RBM19: variants seen among roughly 807,000 people sequenced by gnomAD.
The protein encoded by RBM19 is RNA binding motif protein 19, also known as probable RNA-binding protein 19.
In RBM19, 94 loss-of-function variants were observed where a neutral mutation model predicts 116.8. The ratio of observed to expected loss-of-function variants is 0.80; its 90% CI spans 0.68 to 0.95. RBM19 has a LOEUF of 0.95. RBM19 is among the 40% of genes least tolerant of loss of function. The pLI is 0.00. For synonymous variants in RBM19, 475 were observed against 494.1 expected (o/e 0.96, Z 0.51); for missense variants, 1,161 against 1,220.7 (o/e 0.95, Z 0.73).
chr12:113,911,149 A>T (rs1044785847), intron 21 of RBM19, among the ~76,000 whole-genome samples: 1 of 152,128 alleles, frequency 6.6e-6, no homozygotes, highest in Admixed American at 6.5e-5. Context: ...TGAGCTGACC[A>T]CTGGCCATTT....
At chr12:113,846,505 T>C (rs1876986414) in intron 22 of RBM19, among the ~76,000 whole-genome samples, 1 of 152,070 alleles carries the variant, frequency 6.6e-6, no homozygotes, top group Non-Finnish European at 1.5e-5. Flanking sequence ...ACTAGTGTCA[T>C]TGGATGGCCA....
In RBM19 at chr12:113,862,740, G is replaced by A. The variant is rs151230033; in HGVS notation, c.2559-3844C>T. On this transcript the variant is annotated intron_variant, in intron 21 of 23. Coordinates refer to ENST00000261741, the MANE Select transcript of RBM19 (RefSeq NM_016196.4). ...GCCCAACTCTGCCGCTCGGGGGGAA[G>A]GAGATGCACACCACACTCCCCACTG... Among the ~76,000 whole-genome samples the A allele has an allele frequency of 4.3e-4, 66 of 152,252 alleles. 4 individuals are homozygous for A. In the East Asian group the frequency reaches 0.013, roughly 29 times the overall value.
chr12:113,876,026 G>T (rs115071942), intron 21 of RBM19, among the ~76,000 whole-genome samples: 2,667 of 151,744 alleles, frequency 0.018, 92 homozygotes, highest in African/African-American at 0.06. Context: ...CTTGGGGTGG[G>T]TGTGGGGTGG....
chr12:113,860,480 A>T (rs964078680), intron 21 of RBM19, among the ~76,000 whole-genome samples: 1 of 152,216 alleles, frequency 6.6e-6, no homozygotes, highest in Non-Finnish European at 1.5e-5. Flanking sequence ...AAGTCTTCAG[A>T]AGCCCACTGG....
At chr12:113,886,665 T>A (rs1880540906) in intron 21 of RBM19, among the ~76,000 whole-genome samples, 2 of 150,038 alleles carry the variant, frequency 1.3e-5, no homozygotes, top group African/African-American at 4.9e-5. Context: ...CAATGCGGTT[T>A]TGTTTTGTTT....
At chr12:113,909,016 G>A (rs1473338029) in intron 21 of RBM19, among the ~76,000 whole-genome samples, 2 of 152,210 alleles carry the variant, frequency 1.3e-5, no homozygotes, top group Non-Finnish European at 2.9e-5. Flanking sequence ...GGCAGCTGGG[G>A]TGCAATGGTA....
intron 8 of RBM19, 24 bp from the exon 9 acceptor site, chr12:113,950,178 T>C (rs1205148597): frequency 6.4e-7 from 1 of 1,569,756 alleles, no homozygotes; most frequent in East Asian, 2.2e-5. Flanking sequence ...ATGACAGAGG[T>C]AAAATCTGCA....
At chr12:113,908,902 C>T (rs1882250160) in intron 21 of RBM19, among the ~76,000 whole-genome samples, 1 of 152,248 alleles carries the variant, frequency 6.6e-6, no homozygotes, top group South Asian at 2.1e-4. Context: ...GTAGCAGGCA[C>T]CTGTGGACAT....
At chr12:113,925,803 A>G (rs1869012063) in intron 17 of RBM19, among the ~76,000 whole-genome samples, 1 of 152,236 alleles carries the variant, frequency 6.6e-6, no homozygotes, top group African/African-American at 2.4e-5. Context: ...TGCATCTCCC[A>G]GGAAACAATG....
At chr12:113,838,578 T>A (rs1327790984) in intron 23 of RBM19, among the ~76,000 whole-genome samples, 1 of 152,208 alleles carries the variant, frequency 6.6e-6, no homozygotes, top group African/African-American at 2.4e-5. Flanking sequence ...TCAATTATGA[T>A]AAAATGATGT....
chr12:113,945,478 G>A lies in RBM19; in HGVS notation c.1626+350C>T, dbSNP rs560157883. Among the ~76,000 whole-genome samples the A allele has an allele frequency of 5.9e-5, 9 of 152,304 alleles. No homozygotes were observed. The East Asian group carries it at 1.2e-3, about 20-fold the overall frequency. On this transcript the variant is annotated intron_variant, in intron 13 of 23. Transcript: ENST00000261741. ...ACAAGTTATTGTGTCCCTGGATCTC[G>A]GTTTCTTCATCTGGACAATGGGATA... is the stretch of plus-strand genomic sequence containing the variant.
intron 21 of RBM19, among the ~76,000 whole-genome samples, chr12:113,861,621 G>A (rs1231644971): frequency 6.6e-6 from 1 of 152,068 alleles, no homozygotes; most frequent in Non-Finnish European, 1.5e-5. Context: ...CCTCTCTGCA[G>A]CACACTGCAA....
At chr12:113,920,354 TACC>T (rs1868421707) in intron 19 of RBM19, among the ~76,000 whole-genome samples, 1 of 152,202 alleles carries the variant, frequency 6.6e-6, no homozygotes, top group Admixed American at 6.5e-5. Flanking sequence ...CTCCCAGGCC[TACC>T]ACCACCCCTG....
At chr12:113,940,584 G>A (rs758489351) in intron 14 of RBM19, among the ~76,000 whole-genome samples, 5 of 152,206 alleles carry the variant, frequency 3.3e-5, no homozygotes, top group Non-Finnish European at 7.4e-5. Context: ...CAGCTCTCAG[G>A]AGTTGCTGCA....
In RBM19 at chr12:113,940,133, TCA is replaced by T. The variant is rs749039614; in HGVS notation, c.1763_1764del (p.Val588AspfsTer104). 3 of 1,614,062 alleles carry T rather than the reference TCA, an allele frequency of 1.9e-6. No homozygotes were observed. Among genetic ancestry groups the T allele is most frequent in the South Asian group, 1.1e-5 (1 of 91,058 alleles). ...SQAAAERSKT[V>X]ILVKNLPAGT... ...CCTGCCGGGAGGTTCTTGACCAGAA[TCA>T]CAGTCTTGCTTCGCTCTGCTGCAGC... is the stretch of plus-strand genomic sequence containing the variant. On this transcript the variant is annotated frameshift_variant, in exon 15 of 24. Transcript: ENST00000261741. LOFTEE classifies it high-confidence loss of function.
chr12:113,961,224 C>CAACAT (rs1014301353), intron 2 of RBM19, among the ~76,000 whole-genome samples: 3 of 152,072 alleles, frequency 2.0e-5, no homozygotes, highest in Non-Finnish European at 4.4e-5. Context: ...CGCAGTCTTG[C>CAACAT]TATGTTGCAC....
rs550191255 is a variant in RBM19, at chr12:113,850,233, G to A, written c.2665-5445C>T. Reference sequence around the variant, plus strand: ...TCTGGAGTCCCTTTGCCTTGACCGGGGGACAGGTGGATTTCCTACTTCAGA... The same window carrying A: ...TCTGGAGTCCCTTTGCCTTGACCGGAGGACAGGTGGATTTCCTACTTCAGA... On this transcript the variant is annotated intron_variant, in intron 22 of 23. Transcript: ENST00000261741. Among the ~76,000 whole-genome samples the A allele has an allele frequency of 3.9e-4, 60 of 152,312 alleles. No homozygotes were observed. The South Asian group carries it at 5.8e-3, about 15-fold the overall frequency.
intron 21 of RBM19, among the ~76,000 whole-genome samples, chr12:113,879,116 C>T (rs1266647551): frequency 6.6e-6 from 1 of 152,176 alleles, no homozygotes; most frequent in Non-Finnish European, 1.5e-5. Context: ...GGCCACCCAT[C>T]CTGCCCTGGG....
rs199989180 is a variant in RBM19, at chr12:113,914,981, C to T, written c.2546G>A (p.Arg849Gln). Residue 849 changes from arginine to glutamine, a missense_variant, in exon 21 of 24, where the codon CGA becomes CAA. Transcript: ENST00000261741. Reference protein sequence around the residue: ...IPFQAHSREIRELFSTFGELK... With the variant: ...IPFQAHSREIQELFSTFGELK... The stretch of plus-strand genomic sequence containing the variant: ...CTGAAGTTCTCACCTGAAGAGCTCT[C>T]GGATCTCCCGGCTGTGGGCCTGGAA... 45 of 1,613,694 alleles carry T rather than the reference C, an allele frequency of 2.8e-5. No homozygotes were observed. The highest frequency in any genetic ancestry group is 2.5e-5 in the Non-Finnish European group (29 of 1,179,680).
Sources: gnomAD v4.1 joint callset for allele counts (sites outside exome capture counted in the v4.1 genomes callset) on GRCh38, gnomAD v4.1.1 for gene constraint, MANE v1.5 for transcripts, NCBI Gene and HGNC (gene_info 2026-07-23, HGNC 2026-07-21) for gene names.